The following RNF149 variants were observed in gnomAD, a reference collection of about 807,000 sequenced individuals.
RNF149 encodes E3 ubiquitin-protein ligase RNF149.
RNF149 carries 21 observed loss-of-function variants against 39.0 expected under a neutral mutation model. The ratio of observed to expected loss-of-function variants is 0.54; its 90% CI spans 0.38 to 0.77. The LOEUF (loss-of-function observed/expected upper bound fraction) is 0.77. RNF149 is among the 30% of genes least tolerant of loss of function. The pLI, the probability that RNF149 is intolerant of heterozygous loss-of-function variation, is 0.00. For missense variants in RNF149, 493 were observed against 534.9 expected (o/e 0.92, Z 0.77); for synonymous variants, 209 against 213.6 (o/e 0.98, Z 0.19).
chr2:101,272,239 T>G (rs891501738), downstream of RNF149, among the ~76,000 whole-genome samples: 1 of 152,202 alleles, frequency 6.6e-6, no homozygotes, highest in African/African-American at 2.4e-5. Context: ...AAAGTCCTAG[T>G]GTTCCCAGGC....
intron 2 of RNF149, 196 bp from the exon 3 acceptor site, chr2:101,294,278 C>T (rs866275650): frequency 1.1e-5 from 5 of 456,598 alleles, no homozygotes; most frequent in Non-Finnish European, 1.2e-5. Flanking sequence ...AAAAAAGCCC[C>T]CTAACAACAA....
intron 4 of RNF149, among the ~76,000 whole-genome samples, chr2:101,286,824 C>G (rs1682811663): frequency 6.6e-6 from 1 of 152,228 alleles, no homozygotes. Context: ...GCCAGACAGG[C>G]TGGACTCAGA....
In RNF149 at chr2:101,294,915, A is replaced by G; in HGVS notation, c.711+16T>C. 1 of 1,594,064 alleles carries G rather than the reference A, an allele frequency of 6.3e-7. No homozygotes were observed. Among genetic ancestry groups the G allele is most frequent in the Non-Finnish European group, 8.6e-7 (1 of 1,165,466 alleles). ...TTATCTTTTAAAAAGCAAAATTCAG[A>G]GTTATCCATCATTACCTGACTTCCA... On this transcript the variant is annotated intron_variant, in intron 2 of 6. Transcript: ENST00000295317.
chr2:101,287,964 A>G (rs1219837994), intron 4 of RNF149, among the ~76,000 whole-genome samples: 1 of 152,118 alleles, frequency 6.6e-6, no homozygotes, highest in Non-Finnish European at 1.5e-5. Context: ...CCTTTTAGCA[A>G]AGCAATTCTT....
intron 1 of RNF149, among the ~76,000 whole-genome samples, chr2:101,299,241 T>G (rs572984287): frequency 8.5e-5 from 13 of 152,326 alleles, no homozygotes; most frequent in Admixed American, 7.2e-4. Flanking sequence ...ACTATTTTAT[T>G]GTGGAGAGAA....
intron 6 of RNF149, 106 bp from the exon 7 acceptor site, chr2:101,277,387 CA>C (rs969416690): frequency 1.4e-6 from 2 of 1,422,878 alleles, no homozygotes; most frequent in South Asian, 1.5e-5. Flanking sequence ...AGATGGTAAA[CA>C]GAAAAAAAAA....
chr2:101,285,086 C>G (rs1191856236), intron 5 of RNF149, among the ~76,000 whole-genome samples: 1 of 151,882 alleles, frequency 6.6e-6, no homozygotes, highest in Non-Finnish European at 1.5e-5. Flanking sequence ...TTAGGAGAGA[C>G]AGGGTTTCAC....
intron 1 of RNF149, among the ~76,000 whole-genome samples, chr2:101,296,590 T>C (rs1683243359): frequency 6.6e-6 from 1 of 152,172 alleles, no homozygotes; most frequent in African/African-American, 2.4e-5. Flanking sequence ...AAAAGCAGAA[T>C]TCCAAATGCA....
chr2:101,291,391 C>T (rs1683004242), intron 3 of RNF149, among the ~76,000 whole-genome samples: 1 of 152,004 alleles, frequency 6.6e-6, no homozygotes. Context: ...CCTCGTGATC[C>T]ACCCGCCTCG....
intron 3 of RNF149, among the ~76,000 whole-genome samples, chr2:101,290,515 A>C (rs1682966191): frequency 6.6e-6 from 1 of 152,240 alleles, no homozygotes; most frequent in South Asian, 2.1e-4. Context: ...TATATTATAA[A>C]ATAAACTATT....
In RNF149 at chr2:101,276,198, G is replaced by A. The variant is rs1426737681; in HGVS notation, c.*1040C>T. The A allele has an allele frequency of 5.1e-6, 5 of 983,276 alleles. No individual in the cohort carries two copies. Among genetic ancestry groups the A allele is most frequent in the Admixed American group, 6.2e-5 (1 of 16,246 alleles). The allele number at this position is 983,276 out of a possible 1,614,324, so 60.9% of individuals were successfully genotyped here. The stretch of plus-strand genomic sequence containing the variant: ...TCTAAAAAATAACTGCCTCATACTC[G>A]ACTTCTACCTCCAAGAAGTGAAAAA... On this transcript the variant is annotated 3_prime_UTR_variant, in exon 7 of 7. Transcript: ENST00000295317.
Position 101,288,995 on chromosome 2 carries a change from T to C in RNF149, c.841A>G (p.Ile281Val), listed in dbSNP as rs758718485. 4.5e-6 allele frequency: 7 copies of C among 1,572,678 alleles called. No homozygotes were observed. The highest frequency in any genetic ancestry group is 6.1e-6 in the Non-Finnish European group (7 of 1,144,318). Residue 281 changes from isoleucine to valine, a missense_variant, in exon 4 of 7, where the codon ATT (isoleucine) becomes GTT (valine). Coordinates refer to ENST00000295317, the MANE Select transcript of RNF149 (RefSeq NM_173647.4). ...VCIENFKVKD[I>V]IRILPCKHIF... is the part of the protein sequence containing the mutation. ...TACTTGCATGGCAGAATTCTAATAA[T>C]ATCCTTTACTTTGAAATTTTCAATA...
Position 101,296,357 on chromosome 2 carries a change from TA to T in RNF149, c.461-1177del, listed in dbSNP as rs561285218. Among the ~76,000 whole-genome samples the T allele has an allele frequency of 9.7e-4, 147 of 152,180 alleles. 1 individual carries two copies. The highest frequency in any genetic ancestry group is 3.5e-3 in the African/African-American group (144 of 41,538). ...TAGCTACAAATTAATGCAATAATCA[TA>T]AAATATCGATAAGATTAAAAAAGAA... is the stretch of plus-strand genomic sequence containing the variant. On this transcript the variant is annotated intron_variant, in intron 1 of 6. Transcript: ENST00000295317.
intron 2 of RNF149, 28 bp downstream of exon 2, chr2:101,294,903 A>G (rs1364054939): frequency 1.0e-5 from 16 of 1,575,674 alleles, no homozygotes; most frequent in Non-Finnish European, 1.4e-5. Context: ...TCTTTTAAAA[A>G]GCAAAATTCA....
chr2:101,295,821 G>T (rs975916711), intron 1 of RNF149, among the ~76,000 whole-genome samples: 4 of 151,136 alleles, frequency 2.6e-5, no homozygotes, highest in African/African-American at 7.3e-5. Flanking sequence ...TTACTTCTAA[G>T]ATAATAAAAC....
intron 4 of RNF149, 36 bp from the exon 5 acceptor site, chr2:101,286,213 T>C: frequency 1.7e-6 from 2 of 1,206,598 alleles, no homozygotes; most frequent in Non-Finnish European, 2.5e-6. Flanking sequence ...GTTTTTAAAA[T>C]CAATGTTTAT....
chr2:101,287,013 A>G (rs1490400840), intron 4 of RNF149, among the ~76,000 whole-genome samples: 1 of 152,206 alleles, frequency 6.6e-6, no homozygotes, highest in East Asian at 1.9e-4. Flanking sequence ...GAAATCTGCT[A>G]GTGGAGTTAA....
intron 5 of RNF149, among the ~76,000 whole-genome samples, chr2:101,283,218 T>G (rs149988921): frequency 0.01 from 1,576 of 152,286 alleles, 78 homozygotes; most frequent in Admixed American, 0.08. Flanking sequence ...GGGCAGCACT[T>G]CAAACAGGCC....
intron 6 of RNF149, among the ~76,000 whole-genome samples, chr2:101,281,272 T>C (rs764407204): frequency 1.3e-5 from 2 of 152,094 alleles, no homozygotes; most frequent in Non-Finnish European, 2.9e-5. Context: ...AGAAAGAGCT[T>C]CATATATTAA....
Sources: allele counts gnomAD v4.1 joint callset (sites outside exome capture counted in the v4.1 genomes callset), GRCh38; gene constraint gnomAD v4.1.1; transcripts MANE v1.5; gene names NCBI Gene and HGNC (gene_info 2026-07-23, HGNC 2026-07-21).